MCUR1: variants seen among roughly 807,000 people sequenced by gnomAD.
MCUR1 encodes MCU regulator 1.
Under a neutral mutation model 42.0 loss-of-function variants are expected in MCUR1, and 37 were observed. The ratio of observed to expected loss-of-function variants is 0.88; its 90% CI spans 0.68 to 1.16. The LOEUF is 1.16. Ranked by LOEUF, MCUR1 falls within the 50% of genes most tolerant of loss-of-function variation. The probability of loss-of-function intolerance (pLI) is 0.00; values close to 1 mark genes in which losing one functional copy is unlikely to be tolerated. For synonymous variants in MCUR1, 229 were observed against 196.2 expected (o/e 1.17, Z -1.40); for missense variants, 469 against 468.4 (o/e 1.00, Z -0.01).
intron 1 of MCUR1, among the ~76,000 whole-genome samples, chr6:13,808,186 G>C (rs562799560): frequency 6.6e-6 from 1 of 152,130 alleles, no homozygotes; most frequent in Non-Finnish European, 1.5e-5. Flanking sequence ...GAAGCAGCAC[G>C]AAGGGCCTGA....
chr6:13,811,021 A>C (rs1204024832), intron 1 of MCUR1, among the ~76,000 whole-genome samples: 1 of 152,204 alleles, frequency 6.6e-6, no homozygotes, highest in Non-Finnish European at 1.5e-5. Flanking sequence ...CCCCTTTCCC[A>C]ATCGTTAAAC....
rs1375603590 is a variant in MCUR1, at chr6:13,791,985, T to C, written c.917A>G (p.Gln306Arg). The C allele has an allele frequency of 2.5e-6, 4 of 1,613,562 alleles. No individual in the cohort carries two copies. Among genetic ancestry groups the C allele is most frequent in the Non-Finnish European group, 3.4e-6 (4 of 1,179,690 alleles). ...TGTCTGGGTAAGGGCCCGATCTTGC[T>C]GGGCATGCTTTTAAAATGAAGAGAG... ...LRTEIVALHA[Q>R]QDRALTQTDR... Residue 306 changes from glutamine (Q) to arginine (R), a missense_variant, in exon 8 of 9, where the codon CAG becomes CGG. Transcript: ENST00000379170.
intron 7 of MCUR1, among the ~76,000 whole-genome samples, chr6:13,793,622 G>A (rs1368816606): frequency 6.6e-6 from 1 of 152,196 alleles, no homozygotes; most frequent in Non-Finnish European, 1.5e-5. Flanking sequence ...TATAAAGGGT[G>A]CAGAGTTTCA....
rs1759639560 is a variant in MCUR1 at position 13,787,985 on chromosome 6, C to T, written c.*2824G>A. ...GCAACCTCTGCCTCCCAGGTTCATG[C>T]AATTTTCCTGTCTCAGCCTCCCGAG... On this transcript the variant is annotated 3_prime_UTR_variant, in exon 9 of 9. Coordinates refer to ENST00000379170, the MANE Select transcript of MCUR1 (RefSeq NM_001031713.4). 1 of 152,240 alleles carries T rather than the reference C, an allele frequency of 6.6e-6. No homozygotes were observed. The highest frequency in any genetic ancestry group is 2.1e-4 in the South Asian group (1 of 4,832). The allele number at this position is 152,240 out of a possible 1,614,324, so 9.4% of individuals were successfully genotyped here.
rs1304434954 is a variant in MCUR1 at position 13,811,449 on chromosome 6, T to A, written c.415+2566A>T. 2.0e-5 allele frequency among the ~76,000 whole-genome samples: 3 copies of A among 152,336 alleles called. No individual in the cohort carries two copies. The East Asian group carries it at 5.8e-4, about 29-fold the overall frequency. ...TCCTTTCTCCTCAGTTCTTCCCTTT[T>A]CACATAAACGAGCTCACTTAAATCT... is the stretch of plus-strand genomic sequence containing the variant. On this transcript the variant is annotated intron_variant, in intron 1 of 8. Coordinates refer to ENST00000379170, the MANE Select transcript of MCUR1 (RefSeq NM_001031713.4).
Position 13,806,982 on chromosome 6 carries a change from C to T in MCUR1, c.478G>A (p.Gly160Arg). The change falls in exon 2 of 9, where the codon GGG becomes AGG. Residue 160 changes from glycine to arginine, a missense_variant. Transcript: ENST00000379170. Reference protein sequence around the residue: ...ERKRRDFTSSGSRKLYFDTHA... With the variant: ...ERKRRDFTSSRSRKLYFDTHA... ...GTGTCGAAGTAGAGTTTCCTGCTCCCAGAAGAGGTGAAATCTCTCCTTTTG... is the reference window on the plus strand; with the variant it reads ...GTGTCGAAGTAGAGTTTCCTGCTCCTAGAAGAGGTGAAATCTCTCCTTTTG... The T allele has an allele frequency of 1.2e-6, 2 of 1,613,672 alleles. No homozygotes were observed. Among genetic ancestry groups the T allele is most frequent in the Non-Finnish European group, 1.7e-6 (2 of 1,179,684 alleles).
Position 13,802,261 on chromosome 6 carries a change from CAT to C in MCUR1, c.619_620del (p.Met207GlyfsTer31), listed in dbSNP as rs751919053. ...GGCTAACCTGCTGCATCTTGGTGAC[CAT>C]ATCTTTGTAGACGATGTCCATGTTG... is the stretch of plus-strand genomic sequence containing the variant. ...EANMDIVYKD[M>X]VTKMQQEITF... On this transcript the variant is annotated frameshift_variant, in exon 3 of 9. Transcript: ENST00000379170. LOFTEE classifies it high-confidence loss of function. The C allele has an allele frequency of 8.1e-6, 13 of 1,613,638 alleles. No homozygotes were observed. Among genetic ancestry groups the C allele is most frequent in the Non-Finnish European group, 9.3e-6 (11 of 1,179,784 alleles).
At chr6:13,793,313 T>C (rs1423338272) in intron 7 of MCUR1, among the ~76,000 whole-genome samples, 2 of 152,096 alleles carry the variant, frequency 1.3e-5, no homozygotes, top group Non-Finnish European at 2.9e-5. Context: ...CAGACATCTG[T>C]GCACCCATGC....
rs1173033679 is a variant in MCUR1, at chr6:13,802,343, A to C, written c.539T>G (p.Phe180Cys). Residue 180 changes from phenylalanine (F) to cysteine (C), a missense_variant, in exon 3 of 9, where the codon TTT becomes TGT. By Grantham distance (205) the Phe-to-Cys change is radical. Coordinates refer to ENST00000379170, the MANE Select transcript of MCUR1 (RefSeq NM_001031713.4). Reference sequence around the variant, plus strand: ...AATGATTTCTGCTTGTTGAGTAGCAAACCCTAAGCAAGCACACAAGCAAAA... The same window carrying C: ...AATGATTTCTGCTTGTTGAGTAGCACACCCTAAGCAAGCACACAAGCAAAA... ...ALVCLLEDNGFATQQAEIIVS... is the reference protein window; with the variant it reads ...ALVCLLEDNGCATQQAEIIVS... 6.2e-7 allele frequency: 1 copy of C among 1,612,636 alleles called. No individual in the cohort carries two copies. Among genetic ancestry groups the C allele is most frequent in the African/African-American group, 1.3e-5 (1 of 75,002 alleles).
chr6:13,809,892 AGATCCTGTATCGAAAAAAAAAATAT>A (rs1334546839), intron 1 of MCUR1, among the ~76,000 whole-genome samples: 1 of 151,896 alleles, frequency 6.6e-6, no homozygotes, highest in African/African-American at 2.4e-5. Flanking sequence ...TGACAAAGCA[AGATCCTGTATCGAAAAAAAAAATAT>A]TTAAAGGCCG....
rs771811129 is a variant in MCUR1 at position 13,807,027 on chromosome 6, CAGCAGACA to C, written c.425_432del (p.Leu142TrpfsTer94). The C allele has an allele frequency of 2.9e-5, 46 of 1,612,082 alleles. No homozygotes were observed. Among genetic ancestry groups the C allele is most frequent in the Non-Finnish European group, 2.5e-6 (3 of 1,178,818 alleles). ...CTTTTGCGCTCCAGCTGCAGGGATC[CAGCAGACA>C]AGCTTAGCTCTAGGGTGGAAAGGAC... On this transcript the variant is annotated frameshift_variant, in exon 2 of 9. Coordinates refer to ENST00000379170, the MANE Select transcript of MCUR1 (RefSeq NM_001031713.4). LOFTEE classifies it high-confidence loss of function.
At chr6:13,798,497 A>T (rs1171912256) in intron 6 of MCUR1, among the ~76,000 whole-genome samples, 1 of 152,126 alleles carries the variant, frequency 6.6e-6, no homozygotes, top group Non-Finnish European at 1.5e-5. Context: ...CTTAACTTTT[A>T]CAAGATCAAG....
At chr6:13,808,175 T>C (rs1323955647) in intron 1 of MCUR1, among the ~76,000 whole-genome samples, 1 of 152,180 alleles carries the variant, frequency 6.6e-6, no homozygotes, top group East Asian at 1.9e-4. Context: ...TGCCATGTTA[T>C]GAAGCAGCAC....
intron 8 of MCUR1, 40 bp from the exon 9 acceptor site, chr6:13,790,904 T>C (rs3757251): frequency 0.045 from 64,934 of 1,446,734 alleles, 1,949 homozygotes; most frequent in African/African-American, 0.13. Flanking sequence ...TTAGTTCTAT[T>C]AAGAGTTACT....
intron 1 of MCUR1, among the ~76,000 whole-genome samples, chr6:13,812,065 A>T (rs1257944734): frequency 6.6e-6 from 1 of 152,150 alleles, no homozygotes; most frequent in African/African-American, 2.4e-5. Flanking sequence ...CAGACTCCTC[A>T]CTGATCATAA....
chr6:13,805,577 G>C (rs756564710), intron 2 of MCUR1, among the ~76,000 whole-genome samples: 2 of 152,226 alleles, frequency 1.3e-5, no homozygotes, highest in Non-Finnish European at 2.9e-5. Flanking sequence ...GAAGTCTGCA[G>C]GGTTAGGCTC....
At chr6:13,808,682 T>C (rs1760164349) in intron 1 of MCUR1, among the ~76,000 whole-genome samples, 1 of 152,182 alleles carries the variant, frequency 6.6e-6, no homozygotes, top group African/African-American at 2.4e-5. Context: ...TTTGGATTAG[T>C]GTTTTAAATG....
intron 5 of MCUR1, 76 bp from the exon 6 acceptor site, chr6:13,798,980 G>C: frequency 2.3e-6 from 2 of 863,894 alleles, no homozygotes; most frequent in Non-Finnish European, 1.9e-6. Context: ...GTGACACTGG[G>C]ACCACTGCCC....
intron 6 of MCUR1, 59 bp downstream of exon 6, chr6:13,798,774 C>T: frequency 7.4e-7 from 1 of 1,349,256 alleles, no homozygotes; most frequent in Non-Finnish European, 1.0e-6. Context: ...TAGGCTTAAC[C>T]AAGCATTCCA....
Sources: gnomAD v4.1 joint callset for allele counts (sites outside exome capture counted in the v4.1 genomes callset) on GRCh38, gnomAD v4.1.1 for gene constraint, MANE v1.5 for transcripts, NCBI Gene and HGNC (gene_info 2026-07-23, HGNC 2026-07-21) for gene names.